Variants in IQUB observed in about 807,000 individuals in gnomAD.
IQUB encodes IQ motif and ubiquitin-like domain-containing protein.
A neutral mutation model predicts 86.4 loss-of-function variants in IQUB; 86 were observed. The ratio of observed to expected loss-of-function variants is 1.00; its 90% CI spans 0.84 to 1.19. IQUB has a LOEUF of 1.19. IQUB is among the 50% of genes most tolerant of loss of function. IQUB has a pLI of 0.00. For synonymous variants in IQUB, 289 were observed against 304.5 expected (o/e 0.95, Z 0.53); for missense variants, 946 against 916.9 (o/e 1.03, Z -0.41).
intron 3 of IQUB, among the ~76,000 whole-genome samples, chr7:123,506,854 T>G (rs569849880): frequency 6.6e-6 from 1 of 152,322 alleles, no homozygotes; most frequent in East Asian, 1.9e-4. Context: ...GCCAGTTTTG[T>G]GCTAGAAAAA....
chr7:123,493,376 A>G (rs1453329289), intron 7 of IQUB, among the ~76,000 whole-genome samples: 1 of 152,148 alleles, frequency 6.6e-6, no homozygotes, highest in Non-Finnish European at 1.5e-5. Flanking sequence ...TATCTTGCTA[A>G]GTGACCCATG....
intron 1 of IQUB, among the ~76,000 whole-genome samples, chr7:123,526,243 T>G (rs1403058059): frequency 6.6e-6 from 1 of 152,166 alleles, no homozygotes; most frequent in Admixed American, 6.6e-5. Flanking sequence ...CTGAGTTCAA[T>G]TCCTGGGTAT....
At chr7:123,493,777 A>ATGTG (rs1428271211) in intron 7 of IQUB, among the ~76,000 whole-genome samples, 67 of 101,590 alleles carry the variant, frequency 6.6e-4, no homozygotes, top group African/African-American at 1.5e-3. Flanking sequence ...GTGTGTGTGC[A>ATGTG]TGTGTGTATA....
rs183488897 is a variant in IQUB, at chr7:123,492,517, T to C, written c.1234+4179A>G. ...CATGATTCACACGAGAAGAAACTAA[T>C]AGGACTTATTGAAATTAAAAACTTT... On this transcript the variant is annotated intron_variant, in intron 7 of 12. Transcript: ENST00000324698. 1.3e-3 allele frequency among the ~76,000 whole-genome samples: 199 copies of C among 152,246 alleles called. 1 individual carries two copies. The highest frequency in any genetic ancestry group is 4.4e-3 in the African/African-American group (182 of 41,550).
chr7:123,453,925 A>G (rs528451492), intron 12 of IQUB, among the ~76,000 whole-genome samples: 1 of 152,260 alleles, frequency 6.6e-6, no homozygotes, highest in South Asian at 2.1e-4. Context: ...ATTAATCTTA[A>G]TTGGCCCTCT....
intron 3 of IQUB, among the ~76,000 whole-genome samples, chr7:123,509,094 T>C (rs1053643901): frequency 1.2e-4 from 19 of 152,182 alleles, no homozygotes; most frequent in African/African-American, 4.1e-4. Context: ...GGAAATTAAA[T>C]TGTTTTTCTC....
At chr7:123,534,271 A>T (rs1295989974) in intron 1 of IQUB, among the ~76,000 whole-genome samples, 1 of 152,158 alleles carries the variant, frequency 6.6e-6, no homozygotes, top group East Asian at 1.9e-4. Flanking sequence ...CAAGTCCCAA[A>T]TCAGAGAGGG....
At chr7:123,460,409 C>A (rs1793925224) in intron 11 of IQUB, among the ~76,000 whole-genome samples, 1 of 151,568 alleles carries the variant, frequency 6.6e-6, no homozygotes, top group Admixed American at 6.6e-5. Flanking sequence ...CATTTGGTAT[C>A]TTTTTTTTAA....
At chr7:123,457,866 T>C in intron 11 of IQUB, 1 of 249,618 alleles carries the variant, frequency 4.0e-6, no homozygotes. Context: ...ATAATAAACA[T>C]ATGGTATTGA....
intron 1 of IQUB, among the ~76,000 whole-genome samples, chr7:123,531,865 C>T (rs918313997): frequency 1.3e-5 from 2 of 152,164 alleles, no homozygotes; most frequent in African/African-American, 4.8e-5. Context: ...CATGGTTAAA[C>T]GATCACCACT....
At chr7:123,507,709 C>G (rs1796244587) in intron 3 of IQUB, among the ~76,000 whole-genome samples, 1 of 151,924 alleles carries the variant, frequency 6.6e-6, no homozygotes, top group African/African-American at 2.4e-5. Flanking sequence ...CCTGTCTCTA[C>G]TAAAAATGTA....
intron 1 of IQUB, among the ~76,000 whole-genome samples, chr7:123,530,883 G>A (rs1317931733): frequency 6.6e-6 from 1 of 151,898 alleles, no homozygotes; most frequent in Non-Finnish European, 1.5e-5. Context: ...CACCATGTTG[G>A]CCAGGCTGGT....
At position 123,479,967 on chromosome 7, in the gene IQUB, C is replaced by A. The variant is rs779052416; in HGVS notation, c.1238G>T (p.Trp413Leu). 1.2e-6 allele frequency: 2 copies of A among 1,606,910 alleles called. No individual in the cohort carries two copies. Among genetic ancestry groups the A allele is most frequent in the Non-Finnish European group, 1.7e-6 (2 of 1,177,322 alleles). The stretch of plus-strand genomic sequence containing the variant: ...AATACGTGTAAGTTCTTCTTGCCGC[C>A]AGACTAGAGGAATAACACAATAGAC... Reference protein sequence around the residue: ...FEFLYNALEFWRQEELTRINQ... With the variant: ...FEFLYNALEFLRQEELTRINQ... Residue 413 changes from tryptophan to leucine, a missense_variant, in exon 8 of 13, where the codon TGG (tryptophan) becomes TTG (leucine). Physicochemically the swap from Trp to Leu is moderately conservative, Grantham distance 61. Coordinates refer to ENST00000324698, the MANE Select transcript of IQUB (RefSeq NM_178827.5).
At chr7:123,472,856 A>G (rs1182176327) in intron 8 of IQUB, among the ~76,000 whole-genome samples, 1 of 152,148 alleles carries the variant, frequency 6.6e-6, no homozygotes, top group Non-Finnish European at 1.5e-5. Context: ...TTTTTCTTTG[A>G]AAGCTTTGGC....
In IQUB at chr7:123,503,223, T is replaced by G; in HGVS notation, c.673A>C (p.Ile225Leu). The change falls in exon 4 of 13, where the codon ATA (isoleucine) becomes CTA (leucine). Residue 225 changes from isoleucine (I) to leucine (L), a missense_variant. Transcript: ENST00000324698. ...IDGLTDVSQI[I>L]TVTVQTGLDQ... ...GAACCAGTTTGGACAGTGACAGTTA[T>G]GATTTGAGAGACATCAGTTAATCCA... The G allele has an allele frequency of 1.2e-6, 2 of 1,611,804 alleles. No individual in the cohort carries two copies. The highest frequency in any genetic ancestry group is 1.7e-6 in the Non-Finnish European group (2 of 1,179,118).
At chr7:123,462,019 G>A (rs900082524) in intron 10 of IQUB, among the ~76,000 whole-genome samples, 4 of 151,468 alleles carry the variant, frequency 2.6e-5, no homozygotes, top group East Asian at 1.9e-4. Context: ...TGTTCTTCTC[G>A]TTTAATTTAT....
At chr7:123,521,651 A>AACACACACACACACACAC (rs150359350) in intron 1 of IQUB, among the ~76,000 whole-genome samples, 68 of 144,414 alleles carry the variant, frequency 4.7e-4, no homozygotes, top group Middle Eastern at 7.0e-3. Context: ...TGTCTAAATA[A>AACACACACACACACACAC]ACACACACAC....
chr7:123,454,223 C>G (rs1222624472), intron 12 of IQUB, among the ~76,000 whole-genome samples: 1 of 152,076 alleles, frequency 6.6e-6, no homozygotes, highest in South Asian at 2.1e-4. Flanking sequence ...AACTAACACA[C>G]TTTATTATGC....
intron 7 of IQUB, among the ~76,000 whole-genome samples, chr7:123,482,173 T>A (rs1040738733): frequency 6.6e-6 from 1 of 152,000 alleles, no homozygotes; most frequent in Non-Finnish European, 1.5e-5. Flanking sequence ...TCATATACCA[T>A]CAAATATGTT....
Sources: allele counts gnomAD v4.1 joint callset (sites outside exome capture counted in the v4.1 genomes callset), GRCh38; gene constraint gnomAD v4.1.1; transcripts MANE v1.5; gene names NCBI Gene and HGNC (gene_info 2026-07-23, HGNC 2026-07-21).